The following ARMC9 variants were observed in gnomAD, a reference collection of about 807,000 sequenced individuals.
ARMC9 encodes the protein lisH domain-containing protein ARMC9.
ARMC9 carries 94 observed loss-of-function variants against 107.0 expected under a neutral mutation model. That is an observed-to-expected ratio of 0.88 (90% confidence interval 0.74 to 1.04). The LOEUF is 1.04. Ranked by LOEUF, ARMC9 falls within the 50% of genes least tolerant of loss-of-function variation. The pLI is 0.00. For synonymous variants in ARMC9, 380 were observed against 396.9 expected, an observed-to-expected ratio of 0.96 and a Z score of 0.51; for missense variants, 942 against 1,030.1, an observed-to-expected ratio of 0.91 and a Z score of 1.17.
chr2:231,355,748 G>A (rs1232364987), intron 21 of ARMC9, 50 bp from the exon 22 acceptor site: 1 of 1,499,276 alleles, frequency 6.7e-7, no homozygotes, highest in Non-Finnish European at 8.9e-7. Flanking sequence ...TCGGCAGTCC[G>A]AATCTCCTGG....
At chr2:231,204,747 A>G (rs1160369610) in intron 1 of ARMC9, among the ~76,000 whole-genome samples, 1 of 151,962 alleles carries the variant, frequency 6.6e-6, no homozygotes, top group Non-Finnish European at 1.5e-5. Flanking sequence ...CAGAGACCTG[A>G]ATGAGACGTA....
At chr2:231,249,132 T>C (rs2125390440) in intron 9 of ARMC9, among the ~76,000 whole-genome samples, 1 of 152,266 alleles carries the variant, frequency 6.6e-6, no homozygotes, top group South Asian at 2.1e-4. Flanking sequence ...AAACTTACTT[T>C]CTGCCCCTCA....
At chr2:231,326,493 T>C (rs73994567) in intron 19 of ARMC9, among the ~76,000 whole-genome samples, 3 of 152,336 alleles carry the variant, frequency 2.0e-5, no homozygotes, top group South Asian at 4.1e-4. Context: ...CTGCCTCTTA[T>C]TCTGCTGGTT....
intron 20 of ARMC9, among the ~76,000 whole-genome samples, 175 bp from the exon 21 acceptor site, chr2:231,344,800 G>C (rs922003786): frequency 6.6e-6 from 1 of 152,176 alleles, no homozygotes; most frequent in African/African-American, 2.4e-5. Flanking sequence ...AGCAAAAAAA[G>C]GGTTTTTCCC....
chr2:231,228,051 C>G (rs1196187261), intron 7 of ARMC9, among the ~76,000 whole-genome samples: 3 of 152,236 alleles, frequency 2.0e-5, no homozygotes, highest in Non-Finnish European at 4.4e-5. Context: ...GACTCCCAGC[C>G]TGCATCCTCA....
intron 11 of ARMC9, 26 bp downstream of exon 11, chr2:231,259,128 A>G (rs757960072): frequency 5.7e-6 from 9 of 1,578,400 alleles, no homozygotes; most frequent in African/African-American, 1.4e-5. Flanking sequence ...TTAAAGTTAG[A>G]AAACAAAACC....
intron 21 of ARMC9, among the ~76,000 whole-genome samples, chr2:231,350,556 T>C (rs936926872): frequency 6.0e-5 from 9 of 149,462 alleles, no homozygotes; most frequent in Non-Finnish European, 1.3e-4. Context: ...CCAGAGGTCG[T>C]GGCTGCAGTG....
intron 3 of ARMC9, among the ~76,000 whole-genome samples, chr2:231,212,255 A>G (rs2032972037): frequency 1.3e-5 from 2 of 152,146 alleles, no homozygotes; most frequent in Admixed American, 6.5e-5. Context: ...GAACATCACT[A>G]ATATTTTGTG....
At position 231,371,610 on chromosome 2, in the gene ARMC9, G is replaced by A. The variant is rs1469122415; in HGVS notation, c.*75G>A. ...CCGCTCTCAGCTGGCAGCAGCTGCC[G>A]GTGATGGATGTGAAGGGACAGTTGT... On this transcript the variant is annotated 3_prime_UTR_variant, in exon 25 of 25. Transcript: ENST00000611582. 1.5e-5 allele frequency: 18 copies of A among 1,195,770 alleles called. No homozygotes were observed. The highest frequency in any genetic ancestry group is 8.5e-5 in the South Asian group (2 of 23,614). The allele number at this position is 1,195,770 out of a possible 1,614,324, so 74.1% of individuals were successfully genotyped here.
intron 10 of ARMC9, 36 bp from the exon 11 acceptor site, chr2:231,258,955 C>CCTTTT: frequency 6.4e-7 from 1 of 1,557,626 alleles, no homozygotes; most frequent in Non-Finnish European, 8.9e-7. Context: ...GCCCTTTTGC[C>CCTTTT]CTTTTCTTTC....
intron 1 of ARMC9, among the ~76,000 whole-genome samples, chr2:231,199,506 G>A (rs1478171187): frequency 1.3e-5 from 2 of 152,180 alleles, no homozygotes; most frequent in East Asian, 3.8e-4. Context: ...TGTGGCTGTT[G>A]GGAGTGTGTC....
chr2:231,363,561 T>C (rs1272937948), intron 23 of ARMC9, among the ~76,000 whole-genome samples: 1 of 152,154 alleles, frequency 6.6e-6, no homozygotes, highest in Non-Finnish European at 1.5e-5. Flanking sequence ...ACTGTCTTGC[T>C]GTAAAATTAC....
chr2:231,306,690 AT>A (rs1473195956), intron 19 of ARMC9, among the ~76,000 whole-genome samples: 1 of 152,122 alleles, frequency 6.6e-6, no homozygotes, highest in Non-Finnish European at 1.5e-5. Context: ...GAACAAGCTA[AT>A]TGTCCAAGCA....
At chr2:231,335,410 A>T (rs1241205607) in intron 20 of ARMC9, among the ~76,000 whole-genome samples, 1 of 152,096 alleles carries the variant, frequency 6.6e-6, no homozygotes, top group East Asian at 1.9e-4. Flanking sequence ...GTGTTCGGGG[A>T]TGGGAGGAAG....
At chr2:231,278,283 T>C in intron 15 of ARMC9, 99 bp from the exon 16 acceptor site, 1 of 1,188,144 alleles carries the variant, frequency 8.4e-7, no homozygotes, top group Non-Finnish European at 1.3e-6. Context: ...ATACAGCTCA[T>C]GAGCAGAGGA....
intron 18 of ARMC9, among the ~76,000 whole-genome samples, chr2:231,292,066 G>A (rs1325317510): frequency 6.6e-6 from 1 of 151,724 alleles, no homozygotes; most frequent in Admixed American, 6.6e-5. Flanking sequence ...TACTCAGGAG[G>A]CTGAGGCAGG....
chr2:231,232,156 G>T (rs959739909), intron 7 of ARMC9, among the ~76,000 whole-genome samples: 1 of 151,114 alleles, frequency 6.6e-6, no homozygotes, highest in African/African-American at 2.4e-5. Flanking sequence ...CTCCTGAGTA[G>T]CTGGGACTAC....
intron 7 of ARMC9, among the ~76,000 whole-genome samples, chr2:231,234,110 A>G (rs1402386088): frequency 1.3e-5 from 2 of 152,228 alleles, no homozygotes; most frequent in Non-Finnish European, 2.9e-5. Context: ...CTGTTCTACA[A>G]TGAAGACTTC....
chr2:231,204,618 G>A (rs1462711943), intron 1 of ARMC9, among the ~76,000 whole-genome samples: 2 of 152,034 alleles, frequency 1.3e-5, no homozygotes, highest in Non-Finnish European at 2.9e-5. Context: ...CTAGGCACAG[G>A]GGAACACCTG....
Sources: allele counts gnomAD v4.1 joint callset (sites outside exome capture counted in the v4.1 genomes callset), GRCh38; gene constraint gnomAD v4.1.1; transcripts MANE v1.5; gene names NCBI Gene and HGNC (gene_info 2026-07-23, HGNC 2026-07-21).